The following MYO19 variants were observed in gnomAD, a reference collection of about 807,000 sequenced individuals.
The protein encoded by MYO19 is unconventional myosin-XIX.
Under a neutral mutation model 129.2 loss-of-function variants are expected in MYO19, and 132 were observed. The ratio of observed to expected loss-of-function variants is 1.02; its 90% CI spans 0.89 to 1.18. The LOEUF is 1.18. MYO19 is among the 50% of genes most tolerant of loss of function. The probability of loss-of-function intolerance (pLI) is 0.00; values close to 1 mark genes in which losing one functional copy is unlikely to be tolerated. For missense variants in MYO19, 1,210 were observed against 1,216.7 expected, an observed-to-expected ratio of 0.99 and a Z score of 0.08; for synonymous variants, 531 against 477.2, an observed-to-expected ratio of 1.11 and a Z score of -1.47.
rs759219389 is a variant in MYO19 at position 36,507,004 on chromosome 17, G to T, written c.1603C>A (p.Pro535Thr). ...PSFIVVHYAGPVRYHTAGLVE... is the reference protein window; with the variant it reads ...PSFIVVHYAGTVRYHTAGLVE... ...AGGCCTGCTGTGTGGTACCGCACAG[G>T]CCCCGCATAATGCACCACAATGAAG... Residue 535 changes from proline (P) to threonine (T), a missense_variant, in exon 17 of 26, where the codon CCT (proline) becomes ACT (threonine). Pro to Thr is a conservative substitution (Grantham distance 38). Coordinates refer to ENST00000614623, the MANE Select transcript of MYO19 (RefSeq NM_001163735.2). The T allele has an allele frequency of 2.5e-6, 4 of 1,612,602 alleles. No individual in the cohort carries two copies. The highest frequency in any genetic ancestry group is 3.4e-6 in the Non-Finnish European group (4 of 1,178,956).
chr17:36,529,304 C>T (rs1393255332), intron 3 of MYO19, among the ~76,000 whole-genome samples: 1 of 152,090 alleles, frequency 6.6e-6, no homozygotes, highest in Non-Finnish European at 1.5e-5. Flanking sequence ...GGACTAGAGG[C>T]ATGAGTCACC....
At chr17:36,523,398 A>C (rs977192346) in intron 6 of MYO19, among the ~76,000 whole-genome samples, 1 of 152,134 alleles carries the variant, frequency 6.6e-6, no homozygotes, top group Non-Finnish European at 1.5e-5. Context: ...CCAATGAAAG[A>C]AGCTGATTTG....
chr17:36,517,778 G>A (rs529442643), intron 6 of MYO19, among the ~76,000 whole-genome samples: 3 of 152,134 alleles, frequency 2.0e-5, no homozygotes, highest in East Asian at 3.9e-4. Context: ...GGATCTTCGG[G>A]AGGTAATTAA....
intron 18 of MYO19, 34 bp from the exon 19 acceptor site, chr17:36,505,438 G>A (rs2071817365): frequency 1.3e-6 from 2 of 1,560,022 alleles, no homozygotes; most frequent in African/African-American, 1.4e-5. Context: ...TAGGCAGGGA[G>A]AGGGGCTGCC....
At chr17:36,499,283 A>C in intron 23 of MYO19, 123 bp from the exon 24 acceptor site, 2 of 619,638 alleles carry the variant, frequency 3.2e-6, no homozygotes, top group East Asian at 6.4e-5. Flanking sequence ...TTTTTTCAAT[A>C]AATTGCTACA....
At position 36,504,034 on chromosome 17, in the gene MYO19, G is replaced by C; in HGVS notation, c.1906-14C>G. Reference sequence around the variant, plus strand: ...CTGGCTCAGGACCTGCAAGGGTGGGGAGACAGGGCAGGCACCTGCAGCATG... The same window carrying C: ...CTGGCTCAGGACCTGCAAGGGTGGGCAGACAGGGCAGGCACCTGCAGCATG... On this transcript the variant is annotated splice_polypyrimidine_tract_variant and intron_variant, in intron 19 of 25. Coordinates refer to ENST00000614623, the MANE Select transcript of MYO19 (RefSeq NM_001163735.2). 6.4e-7 allele frequency: 1 copy of C among 1,555,282 alleles called. No homozygotes were observed.
At chr17:36,499,669 T>TG in intron 23 of MYO19, 1 of 118,972 alleles carries the variant, frequency 8.4e-6, no homozygotes, top group Non-Finnish European at 1.8e-5. Flanking sequence ...TGTTTCTTTT[T>TG]TTTTTTTTTT....
intron 2 of MYO19, among the ~76,000 whole-genome samples, chr17:36,532,962 T>C (rs1435815973): frequency 5.9e-5 from 9 of 152,128 alleles, no homozygotes; most frequent in Non-Finnish European, 4.4e-5. Context: ...AGTAAGACAC[T>C]GGGGAGACAG....
At chr17:36,522,277 A>C (rs982130437) in intron 6 of MYO19, among the ~76,000 whole-genome samples, 4 of 151,578 alleles carry the variant, frequency 2.6e-5, no homozygotes, top group Admixed American at 6.6e-5. Flanking sequence ...TGGGAGGCCG[A>C]GGCAGGTGGA....
intron 3 of MYO19, among the ~76,000 whole-genome samples, chr17:36,530,359 C>G (rs768692723): frequency 2.0e-5 from 3 of 151,362 alleles, no homozygotes; most frequent in Non-Finnish European, 4.4e-5. Context: ...ACCTACCTCA[C>G]AGATACTCAC....
At chr17:36,527,925 G>A (rs1000054240) in intron 4 of MYO19, 139 bp downstream of exon 4, 95 of 1,246,532 alleles carry the variant, frequency 7.6e-5, no homozygotes, top group East Asian at 5.1e-4. Flanking sequence ...TCCCTCAGGC[G>A]GAGGTCTGGA....
chr17:36,514,450 T>C lies in MYO19; in HGVS notation c.716A>G (p.Tyr239Cys), dbSNP rs372240865. ...GTGGCCCCATTTGGCACAAACCTGA[T>C]AGAAGATGTGGAAGTTCCTCTCACT... ...ASSERNFHIF[Y>C]QICKGASEDE... Residue 239 changes from tyrosine (Y) to cysteine (C), a missense_variant, in exon 9 of 26, where the codon TAT becomes TGT. Physicochemically the swap from Tyr to Cys is radical, Grantham distance 194. Coordinates refer to ENST00000614623, the MANE Select transcript of MYO19 (RefSeq NM_001163735.2). 1.7e-5 allele frequency: 27 copies of C among 1,609,562 alleles called. No individual in the cohort carries two copies. The highest frequency in any genetic ancestry group is 3.3e-5 in the South Asian group (3 of 91,002).
intron 23 of MYO19, among the ~76,000 whole-genome samples, chr17:36,499,501 A>G (rs1291897150): frequency 7.5e-6 from 1 of 132,500 alleles, no homozygotes; most frequent in East Asian, 2.2e-4. Flanking sequence ...GTGCCTTTAA[A>G]AACTTTTTTT....
intron 3 of MYO19, among the ~76,000 whole-genome samples, chr17:36,530,074 A>G (rs2073735136): frequency 6.6e-6 from 1 of 152,074 alleles, no homozygotes; most frequent in South Asian, 2.1e-4. Flanking sequence ...AAATAGAAAA[A>G]TTTCCAGCTG....
chr17:36,516,745 G>C (rs535085016), intron 6 of MYO19, among the ~76,000 whole-genome samples: 14 of 152,300 alleles, frequency 9.2e-5, no homozygotes, highest in Admixed American at 2.6e-4. Flanking sequence ...ACTTCTAATT[G>C]TTTGTGGCTA....
chr17:36,503,079 C>T lies in MYO19; in HGVS notation c.2080+18G>A, dbSNP rs1274858675. On this transcript the variant is annotated intron_variant, in intron 21 of 25. Transcript: ENST00000614623. Reference sequence around the variant, plus strand: ...AAACTGTGGTTGCACAAATGACTAACTCATGGGTCCCACTCACCAGGGAGC... The same window carrying T: ...AAACTGTGGTTGCACAAATGACTAATTCATGGGTCCCACTCACCAGGGAGC... The T allele has an allele frequency of 6.2e-7, 1 of 1,603,176 alleles. No individual in the cohort carries two copies. The highest frequency in any genetic ancestry group is 8.5e-7 in the Non-Finnish European group (1 of 1,170,044).
Position 36,514,825 on chromosome 17 carries a change from T to C in MYO19, c.618-277A>G, listed in dbSNP as rs142417770. Among the ~76,000 whole-genome samples, 624 of 152,270 alleles carry C rather than the reference T, an allele frequency of 4.1e-3. 6 individuals carry two copies. The highest frequency in any genetic ancestry group is 9.6e-3 in the African/African-American group (400 of 41,548). ...GAAGTCTCAGCCTCAAGCTCAGGGA[T>C]ATGGTCCAAAGAGGTGGCAATTTAG... On this transcript the variant is annotated intron_variant, in intron 8 of 25. Coordinates refer to ENST00000614623, the MANE Select transcript of MYO19 (RefSeq NM_001163735.2).
rs1287898397 is a variant in MYO19, at chr17:36,527,914, C to G, written c.151+150G>C. 4.2e-6 allele frequency: 5 copies of G among 1,189,898 alleles called. No homozygotes were observed. In the African/African-American group the frequency reaches 7.7e-5, roughly 18 times the overall value. 73.7% of individuals were successfully genotyped at this position (1,189,898 alleles called of 1,614,324 possible). On this transcript the variant is annotated intron_variant, in intron 4 of 25. Transcript: ENST00000614623. ...GGGGAGCCCAGGTGCAGCTGTCATG[C>G]TCCCTCAGGCGGAGGTCTGGAGCAG... is the stretch of plus-strand genomic sequence containing the variant.
At chr17:36,522,232 G>C (rs762691327) in intron 6 of MYO19, among the ~76,000 whole-genome samples, 1 of 151,448 alleles carries the variant, frequency 6.6e-6, no homozygotes, top group African/African-American at 2.4e-5. Context: ...TGGTTTGGCC[G>C]GGCGTGGTGG....
Sources: allele counts gnomAD v4.1 joint callset (sites outside exome capture counted in the v4.1 genomes callset), GRCh38; gene constraint gnomAD v4.1.1; transcripts MANE v1.5; gene names NCBI Gene and HGNC (gene_info 2026-07-23, HGNC 2026-07-21).